The following NPAS2 variants were observed in gnomAD, a reference collection of about 807,000 sequenced individuals.
The protein encoded by NPAS2 is neuronal PAS domain-containing protein 2.
NPAS2 carries 23 observed loss-of-function variants against 107.5 expected under a neutral mutation model. The ratio of observed to expected loss-of-function variants is 0.21; its 90% CI spans 0.15 to 0.30. The LOEUF (loss-of-function observed/expected upper bound fraction) is 0.30. Ranked by LOEUF, NPAS2 falls within the 10% of genes least tolerant of loss-of-function variation. The pLI is 1.00. For synonymous variants in NPAS2, 403 were observed against 417.5 expected, an observed-to-expected ratio of 0.97 and a Z score of 0.42; for missense variants, 756 against 1,043.3, an observed-to-expected ratio of 0.72 and a Z score of 3.79.
Position 100,937,729 on chromosome 2 carries a change from T to C in NPAS2, c.274-24T>C, listed in dbSNP as rs1684418823. 3 of 1,585,144 alleles carry C rather than the reference T, an allele frequency of 1.9e-6. No homozygotes were observed. In the East Asian group the frequency reaches 6.7e-5, roughly 35 times the overall value. The stretch of plus-strand genomic sequence containing the variant: ...CTCCATAAACGCATTGCTAAGGAGC[T>C]TTCAAATGTTGCATTTTCCACAGGC... On this transcript the variant is annotated intron_variant, in intron 4 of 20. Transcript: ENST00000335681.
At chr2:100,891,323 A>G (rs117169116) in intron 1 of NPAS2, among the ~76,000 whole-genome samples, 1 of 152,240 alleles carries the variant, frequency 6.6e-6, no homozygotes, top group East Asian at 1.9e-4. Flanking sequence ...AGCATTGGAC[A>G]CGCATGACCA....
intron 1 of NPAS2, among the ~76,000 whole-genome samples, chr2:100,870,968 T>A (rs72970043): frequency 0.039 from 5,950 of 152,328 alleles, 230 homozygotes; most frequent in African/African-American, 0.097. Context: ...ATTCAGAAGA[T>A]CAATGACTTT....
chr2:100,835,596 C>T (rs1677007185), intron 1 of NPAS2, among the ~76,000 whole-genome samples: 2 of 152,142 alleles, frequency 1.3e-5, no homozygotes, highest in Admixed American at 6.5e-5. Flanking sequence ...TCCAGCTTTC[C>T]AAAATTGTTT....
chr2:100,955,622 G>A (rs373108740), intron 7 of NPAS2, among the ~76,000 whole-genome samples: 2 of 149,736 alleles, frequency 1.3e-5, no homozygotes, highest in African/African-American at 5.0e-5. Flanking sequence ...GAACACAGGT[G>A]GGTACGCACT....
intron 12 of NPAS2, among the ~76,000 whole-genome samples, chr2:100,973,767 C>G (rs1271820169): frequency 6.6e-6 from 1 of 152,218 alleles, no homozygotes; most frequent in Non-Finnish European, 1.5e-5. Flanking sequence ...CTAACACTAG[C>G]TAGGAATGCG....
At chr2:100,918,832 G>A (rs1466874801) in intron 2 of NPAS2, among the ~76,000 whole-genome samples, 1 of 152,194 alleles carries the variant, frequency 6.6e-6, no homozygotes, top group African/African-American at 2.4e-5. Context: ...CTGGAAAACG[G>A]TTTGGTAGTT....
chr2:100,996,619 G>T lies in NPAS2; in HGVS notation c.*1037G>T, dbSNP rs575532118. 6.6e-6 allele frequency: 1 copy of T among 152,628 alleles called. No homozygotes were observed. The highest frequency in any genetic ancestry group is 1.5e-5 in the Non-Finnish European group (1 of 68,038). The allele number at this position is 152,628 out of a possible 1,614,324, so 9.5% of individuals were successfully genotyped here. On this transcript the variant is annotated 3_prime_UTR_variant, in exon 21 of 21. Transcript: ENST00000335681. ...TATGTTGAGATGTTTCTAAAGAAAA[G>T]ATTTTATGTAATTATAAGATGAAGC...
At chr2:100,969,832 A>G (rs1303891823) in intron 11 of NPAS2, among the ~76,000 whole-genome samples, 2 of 152,148 alleles carry the variant, frequency 1.3e-5, no homozygotes, top group African/African-American at 4.8e-5. Flanking sequence ...GTAAGTGTGC[A>G]CCTAAACGTA....
At chr2:100,944,103 G>A (rs899890748) in intron 5 of NPAS2, among the ~76,000 whole-genome samples, 5 of 152,122 alleles carry the variant, frequency 3.3e-5, no homozygotes, top group South Asian at 2.1e-4. Flanking sequence ...GTTTGACTTT[G>A]AATCTAAACT....
intron 1 of NPAS2, among the ~76,000 whole-genome samples, chr2:100,834,453 G>T (rs1676934672): frequency 6.6e-6 from 1 of 152,210 alleles, no homozygotes; most frequent in African/African-American, 2.4e-5. Context: ...CACTTGACTT[G>T]TGGGAACCAG....
At chr2:100,933,238 T>C (rs1684080963) in intron 4 of NPAS2, among the ~76,000 whole-genome samples, 1 of 152,040 alleles carries the variant, frequency 6.6e-6, no homozygotes, top group Admixed American at 6.6e-5. Context: ...GATGAGCCCC[T>C]TGATGGTGTC....
chr2:100,885,001 C>T (rs372372495), intron 1 of NPAS2, among the ~76,000 whole-genome samples: 4 of 151,234 alleles, frequency 2.6e-5, no homozygotes, highest in South Asian at 2.1e-4. Flanking sequence ...CAGGCTAGAG[C>T]GCAGTGGCAC....
intron 1 of NPAS2, among the ~76,000 whole-genome samples, chr2:100,847,733 G>A (rs1477404108): frequency 6.6e-6 from 1 of 152,222 alleles, no homozygotes; most frequent in African/African-American, 2.4e-5. Context: ...GACATCTGTA[G>A]GACTCAAAGG....
chr2:100,876,938 A>G (rs114704749), intron 1 of NPAS2, among the ~76,000 whole-genome samples: 2,668 of 152,298 alleles, frequency 0.018, 30 homozygotes, highest in Non-Finnish European at 0.031. Context: ...TGGACCAGAA[A>G]AAGGACAGAA....
At chr2:100,894,323 C>G (rs1282254884) in intron 1 of NPAS2, among the ~76,000 whole-genome samples, 1 of 152,218 alleles carries the variant, frequency 6.6e-6, no homozygotes, top group African/African-American at 2.4e-5. Context: ...ATTCCCTTCT[C>G]TCCTTCCTCA....
intron 13 of NPAS2, 185 bp from the exon 14 acceptor site, chr2:100,975,273 G>T: frequency 1.6e-6 from 1 of 625,128 alleles, no homozygotes. Context: ...GAGTGTTTGT[G>T]GTGTCTCCTA....
At chr2:100,988,832 C>A (rs536041134) in intron 17 of NPAS2, 8 of 256,544 alleles carry the variant, frequency 3.1e-5, no homozygotes, top group African/African-American at 1.7e-4. Flanking sequence ...CCAGGTCCCC[C>A]TGCTCCTCCA....
At chr2:100,833,354 A>G (rs1315482643) in intron 1 of NPAS2, among the ~76,000 whole-genome samples, 2 of 152,204 alleles carry the variant, frequency 1.3e-5, no homozygotes, top group African/African-American at 2.4e-5. Context: ...ATAAAAATGA[A>G]AAGTAGTGCT....
At chr2:100,925,524 A>AGCCG (rs1683505003) in intron 3 of NPAS2, among the ~76,000 whole-genome samples, 2 of 152,174 alleles carry the variant, frequency 1.3e-5, no homozygotes, top group Non-Finnish European at 2.9e-5. Context: ...AGAGAATCCA[A>AGCCG]AACAACCTCA....
Sources: gnomAD v4.1 joint callset for allele counts (sites outside exome capture counted in the v4.1 genomes callset) on GRCh38, gnomAD v4.1.1 for gene constraint, MANE v1.5 for transcripts, NCBI Gene and HGNC (gene_info 2026-07-23, HGNC 2026-07-21) for gene names.